PRKN: variants seen among roughly 807,000 people sequenced by gnomAD.
PRKN encodes parkin RBR E3 ubiquitin protein ligase, also known as E3 ubiquitin-protein ligase parkin.
Under a neutral mutation model 59.5 loss-of-function variants are expected in PRKN, and 56 were observed. That is an observed-to-expected ratio of 0.94 (90% CI 0.76 to 1.18). The LOEUF is 1.18. Among genes scored for constraint, PRKN ranks in the 50% most tolerant of loss-of-function variants. The pLI, the probability that PRKN is intolerant of heterozygous loss-of-function variation, is 0.00. For missense variants in PRKN, 657 were observed against 596.4 expected (o/e 1.10, Z -1.06); for synonymous variants, 250 against 222.1 (o/e 1.13, Z -1.12).
intron 1 of PRKN, among the ~76,000 whole-genome samples, chr6:162,457,743 A>C (rs1790947875): frequency 1.4e-5 from 2 of 146,610 alleles, no homozygotes; most frequent in African/African-American, 4.9e-5. Flanking sequence ...ATAATGATGA[A>C]GTATTTTTTT....
At chr6:162,228,141 C>T (rs568159572) in intron 3 of PRKN, among the ~76,000 whole-genome samples, 12 of 152,178 alleles carry the variant, frequency 7.9e-5, no homozygotes, top group African/African-American at 2.9e-4. Context: ...GATTGAACCA[C>T]GTAATAAGAG....
intron 9 of PRKN, among the ~76,000 whole-genome samples, chr6:161,501,064 C>T (rs548397409): frequency 3.9e-5 from 6 of 151,968 alleles, no homozygotes; most frequent in Non-Finnish European, 7.4e-5. Flanking sequence ...TTAGTAGAGA[C>T]GGGGTTTCAC....
At position 161,454,750 on chromosome 6, in the gene PRKN, C is replaced by G. The variant is rs1054739637; in HGVS notation, c.1084-67873G>C. 6.6e-6 allele frequency among the ~76,000 whole-genome samples: 1 copy of G among 152,100 alleles called. No individual in the cohort carries two copies. The highest frequency in any genetic ancestry group is 2.4e-5 in the African/African-American group (1 of 41,428). ...CATTAGGTTGACTACTTTCTGGAGG[C>G]CAATTGCACTTAACTTGGATTCCTG... On this transcript the variant is annotated intron_variant, in intron 9 of 11. Transcript: ENST00000366898. The surrounding 1 kb of genome is among the most constrained non-coding windows in gnomAD (Gnocchi z 4.6).
chr6:162,483,486 A>G (rs551664623), intron 1 of PRKN, among the ~76,000 whole-genome samples: 1 of 152,206 alleles, frequency 6.6e-6, no homozygotes, highest in East Asian at 1.9e-4. Context: ...AGACTGGGAT[A>G]CAGATTCAAC....
At chr6:161,506,359 T>A (rs1168311295) in intron 9 of PRKN, among the ~76,000 whole-genome samples, 1 of 152,166 alleles carries the variant, frequency 6.6e-6, no homozygotes, top group African/African-American at 2.4e-5. Context: ...ATGCTTGTGA[T>A]TTTTGTACAT....
At chr6:162,114,633 C>A (rs916102803) in intron 4 of PRKN, among the ~76,000 whole-genome samples, 2 of 151,284 alleles carry the variant, frequency 1.3e-5, no homozygotes, top group African/African-American at 4.9e-5. Flanking sequence ...ACAATGAACT[C>A]AAACAAATTT....
intron 7 of PRKN, among the ~76,000 whole-genome samples, chr6:161,639,248 T>C (rs1376187337): frequency 1.3e-5 from 2 of 152,150 alleles, no homozygotes; most frequent in Non-Finnish European, 2.9e-5. Context: ...AATGGACAAA[T>C]AGACCTAGTC....
At chr6:161,513,427 A>G (rs1388219149) in intron 9 of PRKN, among the ~76,000 whole-genome samples, 1 of 150,858 alleles carries the variant, frequency 6.6e-6, no homozygotes, top group Non-Finnish European at 1.5e-5. Flanking sequence ...TTTTTAGTAG[A>G]GACGGGATTT....
At chr6:162,618,467 T>C (rs1782520621) in intron 1 of PRKN, among the ~76,000 whole-genome samples, 1 of 152,148 alleles carries the variant, frequency 6.6e-6, no homozygotes, top group Admixed American at 6.6e-5. Context: ...TTTATACAAT[T>C]ATATGGAAAT....
chr6:161,902,548 A>ATCTATCTATCTATCTATCTC (rs1562378405), intron 6 of PRKN, among the ~76,000 whole-genome samples: 1 of 60,226 alleles, frequency 1.7e-5, no homozygotes, highest in Non-Finnish European at 4.1e-5. Context: ...CTATCTATCT[A>ATCTATCTATCTATCTATCTC]TTTATTTATT....
rs766121894 is a variant in PRKN at position 161,548,896 on chromosome 6, C to T, written c.1041G>A (p.Gln347=). 2.5e-6 allele frequency: 4 copies of T among 1,614,192 alleles called. No individual in the cohort carries two copies. Among genetic ancestry groups the T allele is most frequent in the East Asian group, 4.5e-5 (2 of 44,876 alleles). The change falls in exon 9 of 12, where the codon CAG becomes CAA. Residue 347 remains glutamine (Q), a synonymous_variant. Coordinates refer to ENST00000366898, the MANE Select transcript of PRKN (RefSeq NM_004562.3). This position sits in a 1 kb window ranked among gnomAD's most constrained non-coding sequence, Gnocchi z 4.2. ...TGCCCCCTTCGCAGGTGACTTTCCTCTGGTCAGGCTCCGGCAGCAGCCCCG... is the reference window on the plus strand; with the variant it reads ...TGCCCCCTTCGCAGGTGACTTTCCTTTGGTCAGGCTCCGGCAGCAGCCCCG... ...CGAGLLPEPD[Q]RKVTCEGGNG... is the part of the protein sequence containing the mutation.
rs557279227 is a variant in PRKN at position 161,596,983 on chromosome 6, A to G, written c.872-27567T>C. On this transcript the variant is annotated intron_variant, in intron 7 of 11. Coordinates refer to ENST00000366898, the MANE Select transcript of PRKN (RefSeq NM_004562.3). Reference sequence around the variant, plus strand: ...TGACTGTATTAGGAGTGTTCATAGGACCTAGTCTTGGCCAATGAAAAGTAC... The same window carrying G: ...TGACTGTATTAGGAGTGTTCATAGGGCCTAGTCTTGGCCAATGAAAAGTAC... Among the ~76,000 whole-genome samples the G allele has an allele frequency of 2.0e-5, 3 of 152,284 alleles. No homozygotes were observed. In the South Asian group the frequency reaches 6.2e-4, roughly 32 times the overall value.
intron 4 of PRKN, among the ~76,000 whole-genome samples, chr6:162,118,917 C>T (rs542191128): frequency 1.3e-5 from 2 of 152,274 alleles, no homozygotes; most frequent in African/African-American, 2.4e-5. Flanking sequence ...ATGATAATAA[C>T]TCATCTGGCC....
In PRKN at chr6:161,369,962, G is replaced by A. The variant is rs1453837233; in HGVS notation, c.1168-9757C>T. ...GTAAGATCAACACACAAACGGCTTAGCACAGAGCCAGGTGCACCCTGAATG... is the reference window on the plus strand; with the variant it reads ...GTAAGATCAACACACAAACGGCTTAACACAGAGCCAGGTGCACCCTGAATG... On this transcript the variant is annotated intron_variant, in intron 10 of 11. Coordinates refer to ENST00000366898, the MANE Select transcript of PRKN (RefSeq NM_004562.3). This position sits in a 1 kb window ranked among gnomAD's most constrained non-coding sequence, Gnocchi z 5.8. 2.2e-6 allele frequency: 1 copy of A among 447,100 alleles called. No individual in the cohort carries two copies. The highest frequency in any genetic ancestry group is 4.5e-6 in the Non-Finnish European group (1 of 220,022). The allele number at this position is 447,100 out of a possible 1,614,324, so 27.7% of individuals were successfully genotyped here.
intron 6 of PRKN, among the ~76,000 whole-genome samples, chr6:161,958,506 AAAT>A (rs924639182): frequency 3.3e-5 from 5 of 152,128 alleles, no homozygotes; most frequent in East Asian, 1.9e-4. Context: ...TATTTGTAAA[AAAT>A]AATAATAATA....
intron 3 of PRKN, among the ~76,000 whole-genome samples, chr6:162,230,407 G>C (rs1778371689): frequency 6.6e-6 from 1 of 152,186 alleles, no homozygotes; most frequent in Admixed American, 6.5e-5. Context: ...AAATAATCCT[G>C]CAAGAGGCAA....
At chr6:161,808,594 T>C (rs958021767) in intron 6 of PRKN, among the ~76,000 whole-genome samples, 5 of 152,162 alleles carry the variant, frequency 3.3e-5, no homozygotes, top group African/African-American at 4.8e-5. Flanking sequence ...TATTTTTGTA[T>C]TATCTATAAA....
At chr6:161,670,684 C>G (rs575437353) in intron 7 of PRKN, among the ~76,000 whole-genome samples, 1 of 152,040 alleles carries the variant, frequency 6.6e-6, no homozygotes, top group Non-Finnish European at 1.5e-5. Flanking sequence ...GGCGTGGTGG[C>G]GGGTGCCTGT....
chr6:162,048,346 T>A (rs772256026), intron 5 of PRKN, among the ~76,000 whole-genome samples: 1 of 152,110 alleles, frequency 6.6e-6, no homozygotes, highest in Non-Finnish European at 1.5e-5. Flanking sequence ...TAAACCCTAC[T>A]GTGTGACTGT....
Sources: allele counts gnomAD v4.1 joint callset (sites outside exome capture counted in the v4.1 genomes callset), GRCh38; gene constraint gnomAD v4.1.1; non-coding constraint Gnocchi (gnomAD v3.1); transcripts MANE v1.5; gene names NCBI Gene and HGNC (gene_info 2026-07-23, HGNC 2026-07-21).